The following FABP6 variants were observed in gnomAD, a reference collection of about 807,000 sequenced individuals.
FABP6 encodes the protein fatty acid binding protein 6.
FABP6 carries 13 observed loss-of-function variants against 14.9 expected under a neutral mutation model. That is an observed-to-expected ratio of 0.87 (90% CI 0.57 to 1.39). The LOEUF (loss-of-function observed/expected upper bound fraction) is 1.39, where lower values mean the gene tolerates loss of function less well. Among genes scored for constraint, FABP6 ranks in the 40% most tolerant of loss-of-function variants. The pLI is 0.00. For missense variants in FABP6, 161 were observed against 167.2 expected, an observed-to-expected ratio of 0.96 and a Z score of 0.20; for synonymous variants, 75 against 63.6, an observed-to-expected ratio of 1.18 and a Z score of -0.85.
At chr5:160,222,547 T>G (rs1760150625) in intron 3 of FABP6, among the ~76,000 whole-genome samples, 2 of 152,190 alleles carry the variant, frequency 1.3e-5, no homozygotes, top group Admixed American at 6.5e-5. Context: ...TTGGCCAGGC[T>G]GGTCTCAAAC....
intron 1 of FABP6, 41 bp downstream of exon 1, chr5:160,229,665 G>A (rs778134369): frequency 1.9e-6 from 3 of 1,591,956 alleles, no homozygotes; most frequent in Admixed American, 3.3e-5. Context: ...GGGTTGGTTT[G>A]TCACAGCCAG....
At chr5:160,210,798 A>G (rs1759871369) in intron 2 of FABP6, among the ~76,000 whole-genome samples, 1 of 152,210 alleles carries the variant, frequency 6.6e-6, no homozygotes, top group Non-Finnish European at 1.5e-5. Context: ...AGATTTAATA[A>G]GGCTAAATTA....
At chr5:160,209,046 G>A (rs1448087017) in intron 2 of FABP6, among the ~76,000 whole-genome samples, 6 of 150,632 alleles carry the variant, frequency 4.0e-5, no homozygotes, top group South Asian at 2.1e-4. Flanking sequence ...AGAGTACTGC[G>A]ATTACAGGCG....
chr5:160,197,917 G>A, intron 1 of FABP6: 1 of 104,632 alleles, frequency 9.6e-6, no homozygotes, highest in Non-Finnish European at 2.1e-5. Flanking sequence ...TGATAAGGCT[G>A]CTTCGTGTGT....
At chr5:160,229,841 A>C (rs1185824290) in intron 1 of FABP6, among the ~76,000 whole-genome samples, 1 of 58,634 alleles carries the variant, frequency 1.7e-5, no homozygotes, top group Non-Finnish European at 3.5e-5. Context: ...ATTTTATTTT[A>C]TTTTATTTTA....
chr5:160,238,598 T>G lies in FABP6; in HGVS notation c.334-8T>G, dbSNP rs774674487. 2.5e-6 allele frequency: 4 copies of G among 1,613,792 alleles called. No homozygotes were observed. In the East Asian group the frequency reaches 8.9e-5, roughly 36 times the overall value. On this transcript the variant is annotated splice_polypyrimidine_tract_variant and splice_region_variant and intron_variant, in intron 3 of 3. Coordinates refer to ENST00000402432, the MANE Select transcript of FABP6 (RefSeq NM_001445.3). ...ACTGACTCCCTCTGTCCCGGCTGCT[T>G]CTTTCAGGTCTCCACCATCGGAGGC... is the stretch of plus-strand genomic sequence containing the variant.
intron 1 of FABP6, among the ~76,000 whole-genome samples, chr5:160,191,975 A>G (rs542503859): frequency 6.6e-6 from 1 of 151,708 alleles, no homozygotes; most frequent in South Asian, 2.1e-4. Context: ...CTCCATCTCA[A>G]AAAAAGAAAA....
At chr5:160,229,288 C>T, upstream of FABP6, 1 of 497,438 alleles carries the variant, frequency 2.0e-6, no homozygotes, top group Non-Finnish European at 3.4e-6. Flanking sequence ...GAGGTGATGA[C>T]TCCTCAAACC....
intron 3 of FABP6, among the ~76,000 whole-genome samples, chr5:160,221,761 A>G (rs911817588): frequency 1.3e-5 from 2 of 152,162 alleles, no homozygotes; most frequent in African/African-American, 4.8e-5. Context: ...CATGATGTAT[A>G]TCTATGTATA....
At chr5:160,215,947 G>A (rs1437810916) in intron 3 of FABP6, among the ~76,000 whole-genome samples, 1 of 152,152 alleles carries the variant, frequency 6.6e-6, no homozygotes, top group Non-Finnish European at 1.5e-5. Context: ...GGCTGCAGGT[G>A]TAAGTCCTGC....
Position 160,238,649 on chromosome 5 carries a change from G to T in FABP6, c.377G>T (p.Arg126Ile), listed in dbSNP as rs1318536752. 5.3e-5 allele frequency: 85 copies of T among 1,613,888 alleles called. No homozygotes were observed. Among genetic ancestry groups the T allele is most frequent in the Non-Finnish European group, 7.0e-5 (83 of 1,179,912 alleles). The change falls in exon 4 of 4, where the codon AGA (arginine) becomes ATA (isoleucine). Residue 126 changes from arginine (R) to isoleucine (I), a missense_variant. By Grantham distance (97) the Arg-to-Ile change is moderately conservative. Coordinates refer to ENST00000402432, the MANE Select transcript of FABP6 (RefSeq NM_001445.3). ...GGVTYERVSK[R>I]LA ...GTGACCTATGAGCGCGTGAGCAAGA[G>T]ACTGGCCTAAGCAGCCAGGCCCGGC...
At chr5:160,216,550 G>T (rs1381151616) in intron 3 of FABP6, among the ~76,000 whole-genome samples, 1 of 152,154 alleles carries the variant, frequency 6.6e-6, no homozygotes, top group Non-Finnish European at 1.5e-5. Flanking sequence ...TTACAGGCAT[G>T]AGCCACCGTG....
At chr5:160,192,828 C>G (rs1039595708) in intron 1 of FABP6, among the ~76,000 whole-genome samples, 4 of 152,236 alleles carry the variant, frequency 2.6e-5, no homozygotes, top group Non-Finnish European at 5.9e-5. Flanking sequence ...TAAGAAATCC[C>G]ACGCTGGGGT....
At chr5:160,234,560 G>C (rs2113147308) in intron 2 of FABP6, among the ~76,000 whole-genome samples, 1 of 151,868 alleles carries the variant, frequency 6.6e-6, no homozygotes, top group African/African-American at 2.4e-5. Flanking sequence ...CCAAGTAGCT[G>C]GGATTACAGG....
intron 2 of FABP6, among the ~76,000 whole-genome samples, chr5:160,212,038 A>G (rs1433245158): frequency 2.3e-5 from 3 of 132,184 alleles, no homozygotes; most frequent in Non-Finnish European, 4.6e-5. Context: ...CCCAGGCTGT[A>G]GTGCAATGGT....
chr5:160,229,734 C>G, intron 1 of FABP6, 110 bp downstream of exon 1: 1 of 917,492 alleles, frequency 1.1e-6, no homozygotes, highest in Non-Finnish European at 1.7e-6. Context: ...CATTCACTCA[C>G]TCACTCATTC....
At chr5:160,194,550 A>T (rs910504565) in intron 1 of FABP6, among the ~76,000 whole-genome samples, 3 of 152,194 alleles carry the variant, frequency 2.0e-5, no homozygotes, top group African/African-American at 7.2e-5. Context: ...CAAAAAAATT[A>T]AATAAATAAA....
intron 2 of FABP6, among the ~76,000 whole-genome samples, chr5:160,202,649 G>C (rs1759668070): frequency 6.6e-6 from 1 of 151,722 alleles, no homozygotes; most frequent in Non-Finnish European, 1.5e-5. Context: ...ACAAAAAAAA[G>C]AAAAATTAGC....
chr5:160,221,622 T>A (rs1760129875), intron 3 of FABP6, among the ~76,000 whole-genome samples: 1 of 152,204 alleles, frequency 6.6e-6, no homozygotes, highest in Admixed American at 6.5e-5. Context: ...AATTTTTCAT[T>A]GTTTCTCATG....
Sources: allele counts gnomAD v4.1 joint callset (sites outside exome capture counted in the v4.1 genomes callset), GRCh38; gene constraint gnomAD v4.1.1; transcripts MANE v1.5; gene names NCBI Gene and HGNC (gene_info 2026-07-23, HGNC 2026-07-21).